Variants in PPP2R2D observed in about 807,000 individuals in gnomAD.
The protein encoded by PPP2R2D is protein phosphatase 2 regulatory subunit Bdelta.
PPP2R2D carries 9 observed loss-of-function variants against 31.1 expected under a neutral mutation model. The observed-to-expected ratio is 0.29, with a 90% confidence interval of 0.17 to 0.51. The LOEUF (loss-of-function observed/expected upper bound fraction) is 0.51, where lower values mean the gene tolerates loss of function less well. Among genes scored for constraint, PPP2R2D ranks in the 20% least tolerant of loss-of-function variants. The pLI is 0.98. For missense variants in PPP2R2D, 391 were observed against 465.6 expected (o/e 0.84, Z 1.48); for synonymous variants, 179 against 172.6 (o/e 1.04, Z -0.29).
At chr10:131,920,847 T>G (rs566931436) in intron 2 of PPP2R2D, among the ~76,000 whole-genome samples, 1 of 152,334 alleles carries the variant, frequency 6.6e-6, no homozygotes, top group Non-Finnish European at 1.5e-5. Flanking sequence ...GAGAATCACT[T>G]GAACCCGGGA....
chr10:131,915,027 C>T (rs190047590), intron 2 of PPP2R2D, among the ~76,000 whole-genome samples: 52 of 151,910 alleles, frequency 3.4e-4, no homozygotes, highest in African/African-American at 1.2e-3. Flanking sequence ...TGTTGTGCTC[C>T]GGTTTTCTGG....
At chr10:131,911,378 C>G (rs2035680339) in intron 2 of PPP2R2D, among the ~76,000 whole-genome samples, 1 of 152,248 alleles carries the variant, frequency 6.6e-6, no homozygotes, top group Admixed American at 6.5e-5. Flanking sequence ...ACCCCAACAA[C>G]TGTACCGTGT....
Position 131,945,954 on chromosome 10 carries a change from TAGGGTG to T in PPP2R2D, c.820+498_820+503del. On this transcript the variant is annotated intron_variant, in intron 7 of 8. Transcript: ENST00000455566. The surrounding 1 kb of genome is among the most constrained non-coding windows in gnomAD (Gnocchi z 4.8). ...CATGCTTCCCACAGGCTTATGGCTG[TAGGGTG>T]AGTGTGCTTTTGGCACCACCGAGAA... The T allele has an allele frequency of 1.3e-5, 2 of 153,864 alleles. No individual in the cohort carries two copies. Among genetic ancestry groups the T allele is most frequent in the Admixed American group, 6.4e-5 (1 of 15,748 alleles). The allele number at this position is 153,864 out of a possible 1,614,324, so 9.5% of individuals were successfully genotyped here.
intron 2 of PPP2R2D, among the ~76,000 whole-genome samples, chr10:131,911,135 G>T (rs2035676442): frequency 1.3e-5 from 2 of 152,184 alleles, no homozygotes; most frequent in African/African-American, 4.8e-5. Flanking sequence ...ACAACCTGAG[G>T]CTTGCCGTTG....
Position 131,956,143 on chromosome 10 carries a change from G to A in PPP2R2D, c.*180G>A, listed in dbSNP as rs150225008. 2.7e-3 allele frequency: 3,345 copies of A among 1,245,280 alleles called. 6 individuals are homozygous for A. The highest frequency in any genetic ancestry group is 5.5e-3 in the African/African-American group (357 of 64,870). The allele number at this position is 1,245,280 out of a possible 1,614,324, so 77.1% of individuals were successfully genotyped here. On this transcript the variant is annotated 3_prime_UTR_variant, in exon 9 of 9. Transcript: ENST00000455566. ...CGGTGTGGTTCCGCCTCGGCGAGGC[G>A]CGAGACAGGCGCTGCTGCTCACGTG...
rs2036527930 is a variant in PPP2R2D at position 131,945,790 on chromosome 10, T to G, written c.820+331T>G. ...TTAAAGCATCTCATTTAGAGCCACT[T>G]GTTCTTCAGACACTCCAAAGACTTA... On this transcript the variant is annotated intron_variant, in intron 7 of 8. Transcript: ENST00000455566. This position sits in a 1 kb window ranked among gnomAD's most constrained non-coding sequence, Gnocchi z 4.8. 2 of 220,702 alleles carry G rather than the reference T, an allele frequency of 9.1e-6. No individual in the cohort carries two copies. The highest frequency in any genetic ancestry group is 4.5e-5 in the African/African-American group (2 of 44,116). The allele number at this position is 220,702 out of a possible 1,614,324, so 13.7% of individuals were successfully genotyped here.
At chr10:131,952,244 G>GCGGGTGTGCA (rs1554898931) in intron 8 of PPP2R2D, among the ~76,000 whole-genome samples, 2 of 63,212 alleles carry the variant, frequency 3.2e-5, no homozygotes, top group African/African-American at 6.4e-5. Flanking sequence ...GCAGTGACTT[G>GCGGGTGTGCA]GGGGGTCCCT....
At chr10:131,910,316 C>G (rs2035663165) in intron 2 of PPP2R2D, among the ~76,000 whole-genome samples, 2 of 151,038 alleles carry the variant, frequency 1.3e-5, no homozygotes, top group African/African-American at 4.9e-5. Flanking sequence ...AATGTTAACA[C>G]ATTCCATTAT....
chr10:131,957,171 G>T lies in PPP2R2D; in HGVS notation c.*1208G>T, dbSNP rs990217794. On this transcript the variant is annotated 3_prime_UTR_variant, in exon 9 of 9. Coordinates refer to ENST00000455566, the MANE Select transcript of PPP2R2D (RefSeq NM_018461.5). ...GAGGGGAGTGGGGAGTCGGGCTCCC[G>T]TGCCCCTGTGGAGATGGAGGTGTGT... 1 of 167,754 alleles carries T rather than the reference G, an allele frequency of 6.0e-6. No homozygotes were observed. Among genetic ancestry groups the T allele is most frequent in the African/African-American group, 2.4e-5 (1 of 41,748 alleles). 10.4% of individuals were successfully genotyped at this position (167,754 alleles called of 1,614,324 possible).
Position 131,945,364 on chromosome 10 carries a change from C to T in PPP2R2D, c.725C>T (p.Pro242Leu), listed in dbSNP as rs1344208198. 1.9e-6 allele frequency: 3 copies of T among 1,614,214 alleles called. No individual in the cohort carries two copies. Among genetic ancestry groups the T allele is most frequent in the Non-Finnish European group, 2.5e-6 (3 of 1,180,050 alleles). The stretch of plus-strand genomic sequence containing the variant: ...GTCATCACTGCAGCCGAGTTCCACC[C>T]GCACCAGTGCAACGTGTTCGTCTAC... ...TEVITAAEFH[P>L]HQCNVFVYSS... is the part of the protein sequence containing the mutation. The change falls in exon 7 of 9, where the codon CCG becomes CTG. Residue 242 changes from proline to leucine, a missense_variant. This residue lies in a region of PPP2R2D where 123 missense variants were observed against 187.7 expected (regional missense o/e 0.66). Coordinates refer to ENST00000455566, the MANE Select transcript of PPP2R2D (RefSeq NM_018461.5). The surrounding 1 kb of genome is among the most constrained non-coding windows in gnomAD (Gnocchi z 4.8).
chr10:131,916,085 C>G (rs1263568394), intron 2 of PPP2R2D, among the ~76,000 whole-genome samples: 1 of 152,136 alleles, frequency 6.6e-6, no homozygotes, highest in African/African-American at 2.4e-5. Context: ...AAAATAGTAA[C>G]CATAGAAATC....
chr10:131,940,053 G>C lies in PPP2R2D; in HGVS notation c.221G>C (p.Arg74Thr), dbSNP rs2036414863. Residue 74 changes from arginine (R) to threonine (T), a missense_variant, in exon 4 of 9, where the codon AGG (arginine) becomes ACG (threonine). By Grantham distance (71) the Arg-to-Thr change is moderately conservative. Coordinates refer to ENST00000455566, the MANE Select transcript of PPP2R2D (RefSeq NM_018461.5). ...EQENKSRPHSRGEYNVYSTFQ... is the reference protein window; with the variant it reads ...EQENKSRPHSTGEYNVYSTFQ... ...CAGAATAAAAGCCGCCCTCATTCTA[G>C]GGGAGAATATAATGTTTACAGCACC... 1.3e-6 allele frequency: 1 copy of C among 766,624 alleles called. No homozygotes were observed. The highest frequency in any genetic ancestry group is 1.7e-5 in the African/African-American group (1 of 58,568). 47.5% of individuals were successfully genotyped at this position (766,624 alleles called of 1,614,324 possible).
chr10:131,944,226 G>A, intron 6 of PPP2R2D, 81 bp downstream of exon 6: 2 of 1,136,134 alleles, frequency 1.8e-6, no homozygotes, highest in Admixed American at 4.7e-5. Flanking sequence ...TTATACACCT[G>A]TATCTCGGAG....
chr10:131,909,194 G>T (rs954587526), intron 2 of PPP2R2D, among the ~76,000 whole-genome samples: 4 of 152,164 alleles, frequency 2.6e-5, no homozygotes, highest in Admixed American at 1.3e-4. Context: ...TCAGTGCTTG[G>T]CATGGTCCTC....
Position 131,958,596 on chromosome 10 carries a change from G to A in PPP2R2D, c.*2633G>A, listed in dbSNP as rs187557404. ...CCCCTGTCCCCCTGTGGGGATGAAG[G>A]TGTGTGCTGATCTCTTGTCCCCCTG... is the stretch of plus-strand genomic sequence containing the variant. On this transcript the variant is annotated 3_prime_UTR_variant, in exon 9 of 9. Coordinates refer to ENST00000455566, the MANE Select transcript of PPP2R2D (RefSeq NM_018461.5). 109 of 229,178 alleles carry A rather than the reference G, an allele frequency of 4.8e-4. 1 individual carries two copies. Among genetic ancestry groups the A allele is most frequent in the Admixed American group, 1.2e-3 (20 of 16,496 alleles). 14.2% of individuals were successfully genotyped at this position (229,178 alleles called of 1,614,324 possible).
intron 2 of PPP2R2D, among the ~76,000 whole-genome samples, chr10:131,916,330 AT>A (rs34461938): frequency 0.019 from 2,763 of 143,442 alleles, 80 homozygotes; most frequent in African/African-American, 0.061. Context: ...ATAGATTGGG[AT>A]TTTTTTTTTT....
chr10:131,905,732 T>C (rs2035571438), intron 2 of PPP2R2D, among the ~76,000 whole-genome samples: 1 of 151,780 alleles, frequency 6.6e-6, no homozygotes. Context: ...ACAAAGCGAG[T>C]GTATGGCAGG....
At chr10:131,954,376 C>T (rs1554899585) in intron 8 of PPP2R2D, among the ~76,000 whole-genome samples, 1 of 152,118 alleles carries the variant, frequency 6.6e-6, no homozygotes. Flanking sequence ...TTCACACATT[C>T]TTATTACTTA....
At chr10:131,940,866 T>C in intron 5 of PPP2R2D, 172 bp downstream of exon 5, 1 of 522,076 alleles carries the variant, frequency 1.9e-6, no homozygotes. Context: ...GCAAGGTCTT[T>C]CTCCTGTTTT....
Sources: allele counts gnomAD v4.1 joint callset (sites outside exome capture counted in the v4.1 genomes callset), GRCh38; gene constraint gnomAD v4.1.1; regional missense constraint gnomAD v4.1.1; non-coding constraint Gnocchi (gnomAD v3.1); transcripts MANE v1.5; gene names NCBI Gene and HGNC (gene_info 2026-07-23, HGNC 2026-07-21).